ZFP62: variants seen among roughly 807,000 people sequenced by gnomAD.
ZFP62 encodes the protein ZFP62 zinc finger protein.
A neutral mutation model predicts 56.4 loss-of-function variants in ZFP62; 44 were observed. The observed-to-expected ratio is 0.78, with a 90% CI of 0.61 to 1.00. The LOEUF (loss-of-function observed/expected upper bound fraction) is 1.00, where lower values mean the gene tolerates loss of function less well. ZFP62 is among the 50% of genes least tolerant of loss of function. ZFP62 has a pLI of 0.00. For synonymous variants in ZFP62, 421 were observed against 388.9 expected (o/e 1.08, Z -0.97); for missense variants, 1,030 against 1,085.7 (o/e 0.95, Z 0.72).
rs200835830 is a variant in ZFP62 at position 180,850,023 on chromosome 5, C to G, written c.1472G>C (p.Ser491Thr). 4.6e-4 allele frequency: 717 copies of G among 1,551,556 alleles called. No homozygotes were observed. The highest frequency in any genetic ancestry group is 5.8e-4 in the Non-Finnish European group (671 of 1,147,022). Residue 491 changes from serine to threonine, a missense_variant, in exon 2 of 2, where the codon AGC (serine) becomes ACC (threonine). By Grantham distance (58) the Ser-to-Thr change is moderately conservative. Coordinates refer to ENST00000502412, the MANE Select transcript of ZFP62 (RefSeq NM_001172638.2). ...VCGKAYISRS[S>T]LKNHKGIHLG... ...GTGGATTCCTTTGTGATTTTTAAGG[C>G]TAGAGCGTGAGATATAGGCTTTCCC... is the stretch of plus-strand genomic sequence containing the variant.
chr5:180,858,124 G>C (rs1389078151), intron 1 of ZFP62, among the ~76,000 whole-genome samples: 1 of 149,214 alleles, frequency 6.7e-6, no homozygotes, highest in African/African-American at 2.5e-5. Flanking sequence ...GGGCATGGTG[G>C]TGGGCACCTG....
the ZFP62 span, among the ~76,000 whole-genome samples, chr5:180,827,663 C>G: frequency 6.6e-6 from 1 of 152,174 alleles, no homozygotes; most frequent in African/African-American, 2.4e-5. Flanking sequence ...AAGACCTGAC[C>G]GTCCCCCAGC....
At chr5:180,861,083 C>T (rs1379236105) in intron 1 of ZFP62, 136 bp downstream of exon 1, 2 of 397,166 alleles carry the variant, frequency 5.0e-6, no homozygotes, top group East Asian at 3.6e-5. Context: ...CCCACTGAGA[C>T]ATGTGCGGGG....
rs770059315 is a variant in ZFP62, at chr5:180,847,678, CAA to C, written c.*1112_*1113del. 138 of 985,322 alleles carry C rather than the reference CAA, an allele frequency of 1.4e-4. No individual in the cohort carries two copies. Among genetic ancestry groups the C allele is most frequent in the Admixed American group, 1.8e-4 (3 of 16,266 alleles). The allele number at this position is 985,322 out of a possible 1,614,324, so 61.0% of individuals were successfully genotyped here. On this transcript the variant is annotated 3_prime_UTR_variant, in exon 2 of 2. Transcript: ENST00000502412. ...CGCCACAAGGAGCTGGCTTTCATGA[CAA>C]AGAGAGAGTGAGCCCTGAACAAAGT... is the stretch of plus-strand genomic sequence containing the variant.
At chr5:180,840,789 TTG>T in the ZFP62 span, among the ~76,000 whole-genome samples, 94,917 of 146,322 alleles carry the variant, frequency 0.65, 30,893 homozygotes, top group East Asian at 0.79. Flanking sequence ...CTAAAACAAT[TTG>T]TGTGTGTGTG....
chr5:180,844,318 A>G (rs553739531), downstream of ZFP62, among the ~76,000 whole-genome samples: 40 of 152,322 alleles, frequency 2.6e-4, no homozygotes, highest in African/African-American at 9.6e-4. Context: ...AAATAAATCC[A>G]TATTATTGCA....
Position 180,848,048 on chromosome 5 carries a change from C to G in ZFP62, c.*744G>C. 1.0e-6 allele frequency: 1 copy of G among 985,390 alleles called. No homozygotes were observed. The highest frequency in any genetic ancestry group is 1.1e-4 in the East Asian group (1 of 8,808). The allele number at this position is 985,390 out of a possible 1,614,324, so 61.0% of individuals were successfully genotyped here. On this transcript the variant is annotated 3_prime_UTR_variant, in exon 2 of 2. Transcript: ENST00000502412. ...ACCACTTCCAGGTTATCCCTCATCA[C>G]AAATTCATCATTCATTATGGGAGTT... is the stretch of plus-strand genomic sequence containing the variant.
downstream of ZFP62, among the ~76,000 whole-genome samples, chr5:180,843,129 A>G (rs1023419958): frequency 6.6e-6 from 1 of 151,018 alleles, no homozygotes; most frequent in East Asian, 1.9e-4. Context: ...TTTAATATAT[A>G]TGTACATTTA....
the ZFP62 span, chr5:180,830,375 G>A: frequency 0.05 from 7,644 of 152,370 alleles, 597 homozygotes; most frequent in African/African-American, 0.17. Flanking sequence ...CTGATTGAAC[G>A]CAGGCCAGAT....
chr5:180,837,245 ACT>A, the ZFP62 span, among the ~76,000 whole-genome samples: 1 of 152,166 alleles, frequency 6.6e-6, no homozygotes, highest in Admixed American at 6.5e-5. Context: ...AACAGCAGTG[ACT>A]CTACCTGCGT....
chr5:180,848,821 C>T lies in ZFP62; in HGVS notation c.2674G>A (p.Asp892Asn). Residue 892 changes from aspartate to asparagine, a missense_variant, in exon 2 of 2, where the codon GAT (aspartate) becomes AAT (asparagine). Coordinates refer to ENST00000502412, the MANE Select transcript of ZFP62 (RefSeq NM_001172638.2). Reference sequence around the variant, plus strand: ...AGAGGCATCCTCATCCTGCCCCCATCCAGGGCATTCCCTCCCTCATAGGTT... The same window carrying T: ...AGAGGCATCCTCATCCTGCCCCCATTCAGGGCATTCCCTCCCTCATAGGTT... Reference protein sequence around the residue: ...KRTYEGGNALDGGRMRMPL With the variant: ...KRTYEGGNALNGGRMRMPL 2 of 1,542,008 alleles carry T rather than the reference C, an allele frequency of 1.3e-6. No individual in the cohort carries two copies. The highest frequency in any genetic ancestry group is 1.8e-6 in the Non-Finnish European group (2 of 1,139,750).
intron 1 of ZFP62, among the ~76,000 whole-genome samples, chr5:180,856,151 G>A (rs1001198887): frequency 2.0e-5 from 3 of 152,164 alleles, no homozygotes; most frequent in Admixed American, 2.0e-4. Flanking sequence ...TCTAACCTAG[G>A]TGAAGGCCAG....
Position 180,858,161 on chromosome 5 carries a change from G to A in ZFP62, c.1+3058C>T, listed in dbSNP as rs184514325. On this transcript the variant is annotated intron_variant, in intron 1 of 1. Coordinates refer to ENST00000502412, the MANE Select transcript of ZFP62 (RefSeq NM_001172638.2). ...AATCCCAGCTACTTGGGAGGCTGAA[G>A]CAGGAGAATTGCCTGAATCCAGAAG... is the stretch of plus-strand genomic sequence containing the variant. Among the ~76,000 whole-genome samples, 356 of 142,886 alleles carry A rather than the reference G, an allele frequency of 2.5e-3. 2 individuals are homozygous for A. Among genetic ancestry groups the A allele is most frequent in the African/African-American group, 8.6e-3 (334 of 38,642 alleles). The allele number at this position is 142,886 out of a possible 152,430, so 93.7% of individuals were successfully genotyped here. A position where few individuals can be genotyped will look rare whatever the true frequency, so the allele number is the denominator to read the frequency against.
chr5:180,841,563 A>T, the ZFP62 span, among the ~76,000 whole-genome samples: 1 of 152,334 alleles, frequency 6.6e-6, no homozygotes, highest in Admixed American at 6.5e-5. Context: ...GCAGTCTATC[A>T]GTCAGATTCT....
At chr5:180,857,809 T>C (rs1774069475) in intron 1 of ZFP62, among the ~76,000 whole-genome samples, 1 of 151,682 alleles carries the variant, frequency 6.6e-6, no homozygotes. Flanking sequence ...TTTTTTTTTT[T>C]TTTTAAATTC....
intron 1 of ZFP62, 84 bp downstream of exon 1, chr5:180,861,135 A>G (rs1756055749): frequency 2.5e-6 from 1 of 398,866 alleles, no homozygotes; most frequent in East Asian, 3.6e-5. Context: ...AGACCCGCGG[A>G]GCAGCCAAGA....
chr5:180,860,241 G>A (rs559135038), intron 1 of ZFP62, among the ~76,000 whole-genome samples: 21 of 152,330 alleles, frequency 1.4e-4, no homozygotes, highest in African/African-American at 4.8e-4. Context: ...TTACCTAAGA[G>A]GGTAGGGCCT....
chr5:180,849,443 T>C lies in ZFP62; in HGVS notation c.2052A>G (p.Ser684=). ...ECDVCGKAYI[S]HSSLINHKST... ...TCTTATGGTTAATAAGGCTTGAGTG[T>C]GAGATGTAGGCTTTTCCACACACAT... The change falls in exon 2 of 2, where the codon TCA becomes TCG. Residue 684 remains serine, a synonymous_variant. Transcript: ENST00000502412. 1 of 1,551,914 alleles carries C rather than the reference T, an allele frequency of 6.4e-7. No individual in the cohort carries two copies.
chr5:180,856,890 C>T (rs1408800142), intron 1 of ZFP62, among the ~76,000 whole-genome samples: 29 of 143,800 alleles, frequency 2.0e-4, no homozygotes, highest in Non-Finnish European at 3.4e-4. Flanking sequence ...GGAGGCGAGC[C>T]TGCAGTGAGC....
Sources: allele counts gnomAD v4.1 joint callset (sites outside exome capture counted in the v4.1 genomes callset), GRCh38; gene constraint gnomAD v4.1.1; transcripts MANE v1.5; gene names NCBI Gene and HGNC (gene_info 2026-07-23, HGNC 2026-07-21).